Variants in GPC5 observed in about 807,000 individuals in gnomAD.
The protein encoded by GPC5 is glypican-5.
GPC5 carries 47 observed loss-of-function variants against 53.9 expected under a neutral mutation model. The observed-to-expected ratio is 0.87, with a 90% CI of 0.69 to 1.11. The LOEUF (loss-of-function observed/expected upper bound fraction) is 1.11. Among genes scored for constraint, GPC5 ranks in the 50% most tolerant of loss-of-function variants. The probability of loss-of-function intolerance (pLI) is 0.00; values close to 1 mark genes in which losing one functional copy is unlikely to be tolerated. For missense variants in GPC5, 748 were observed against 713.1 expected (o/e 1.05, Z -0.56); for synonymous variants, 286 against 263.3 (o/e 1.09, Z -0.84).
intron 7 of GPC5, among the ~76,000 whole-genome samples, chr13:92,737,207 GC>G (rs1382035766): frequency 6.6e-6 from 1 of 151,928 alleles, no homozygotes; most frequent in Admixed American, 6.6e-5. Flanking sequence ...TATCACCTGG[GC>G]CTAGTGAATG....
At chr13:92,812,173 G>T (rs1240226421) in intron 7 of GPC5, among the ~76,000 whole-genome samples, 4 of 151,898 alleles carry the variant, frequency 2.6e-5, no homozygotes, top group Non-Finnish European at 4.4e-5. Flanking sequence ...ATCACTTTGA[G>T]TAGTACTGAC....
intron 7 of GPC5, among the ~76,000 whole-genome samples, chr13:92,336,304 G>C (rs2043322556): frequency 6.6e-6 from 1 of 152,084 alleles, no homozygotes; most frequent in Non-Finnish European, 1.5e-5. Flanking sequence ...TAATTATCAG[G>C]TAGCTGATAA....
intron 1 of GPC5, among the ~76,000 whole-genome samples, chr13:91,441,913 A>G (rs1880464269): frequency 6.6e-6 from 1 of 152,174 alleles, no homozygotes; most frequent in Non-Finnish European, 1.5e-5. Context: ...TGGTAAATAT[A>G]AGTACATCTT....
intron 6 of GPC5, among the ~76,000 whole-genome samples, chr13:91,946,482 C>T (rs1327229782): frequency 1.3e-5 from 2 of 151,954 alleles, no homozygotes; most frequent in African/African-American, 2.4e-5. Flanking sequence ...TCAAAAAAAA[C>T]GATAAGAATA....
At chr13:92,668,556 A>C (rs1248888661) in intron 7 of GPC5, among the ~76,000 whole-genome samples, 2 of 152,084 alleles carry the variant, frequency 1.3e-5, no homozygotes, top group East Asian at 3.9e-4. Context: ...TATATTCCTT[A>C]AGGTTTTCTA....
rs1161048628 is a variant in GPC5 at position 91,830,283 on chromosome 13, G to A, written c.1280+73863G>A. 3.3e-5 allele frequency among the ~76,000 whole-genome samples: 5 copies of A among 152,060 alleles called. No individual in the cohort carries two copies. The East Asian group carries it at 7.7e-4, about 23-fold the overall frequency. On this transcript the variant is annotated intron_variant, in intron 5 of 7. Coordinates refer to ENST00000377067, the MANE Select transcript of GPC5 (RefSeq NM_004466.6). The stretch of plus-strand genomic sequence containing the variant: ...ATGGCTCTGTTCTGCCCAGCTCACC[G>A]GCAGTCAGAGTTTAAGGTTATCTCT...
intron 5 of GPC5, among the ~76,000 whole-genome samples, chr13:91,828,240 A>G (rs2038604016): frequency 6.6e-6 from 1 of 152,018 alleles, no homozygotes; most frequent in South Asian, 2.1e-4. Flanking sequence ...AACTCATTGA[A>G]TGGTACATTT....
chr13:92,153,934 CT>C lies in GPC5; in HGVS notation c.1561+8947del, dbSNP rs777078302. ...ATTTCAGAAGAAAGAAATTTAGCCCCTTCCCCAGTATTACTTTGTTTTTGTA... is the reference window on the plus strand; with the variant it reads ...ATTTCAGAAGAAAGAAATTTAGCCCCTCCCCAGTATTACTTTGTTTTTGTA... On this transcript the variant is annotated intron_variant, in intron 7 of 7. Transcript: ENST00000377067. 2.4e-3 allele frequency among the ~76,000 whole-genome samples: 362 copies of C among 152,264 alleles called. 2 individuals are homozygous for C. Among genetic ancestry groups the C allele is most frequent in the Non-Finnish European group, 4.5e-3 (303 of 68,024 alleles).
At chr13:91,606,449 T>A (rs1373415287) in intron 2 of GPC5, among the ~76,000 whole-genome samples, 1 of 151,154 alleles carries the variant, frequency 6.6e-6, no homozygotes, top group Non-Finnish European at 1.5e-5. Context: ...GGCTTTGGTA[T>A]CAGAATGATG....
At chr13:91,506,531 T>C (rs1166795077) in intron 2 of GPC5, among the ~76,000 whole-genome samples, 1 of 152,122 alleles carries the variant, frequency 6.6e-6, no homozygotes. Context: ...TCTGAAAGCA[T>C]GTAAGATCTA....
At chr13:92,190,673 A>G (rs372626354) in intron 7 of GPC5, among the ~76,000 whole-genome samples, 1 of 152,156 alleles carries the variant, frequency 6.6e-6, no homozygotes, top group Non-Finnish European at 1.5e-5. Flanking sequence ...TTTAAAATGT[A>G]TATTGCAAAC....
At chr13:92,158,850 C>T (rs1050715231) in intron 7 of GPC5, among the ~76,000 whole-genome samples, 5 of 152,100 alleles carry the variant, frequency 3.3e-5, no homozygotes, top group African/African-American at 7.2e-5. Context: ...GAGGCTGGTT[C>T]GGTATCAAAA....
At chr13:91,402,052 G>A (rs1330578955) in intron 1 of GPC5, among the ~76,000 whole-genome samples, 2 of 152,036 alleles carry the variant, frequency 1.3e-5, no homozygotes, top group Non-Finnish European at 2.9e-5. Context: ...TTGGGGATGG[G>A]GATAATGCTT....
intron 6 of GPC5, among the ~76,000 whole-genome samples, chr13:91,933,239 T>A (rs2139034505): frequency 6.6e-6 from 1 of 152,072 alleles, no homozygotes; most frequent in South Asian, 2.1e-4. Context: ...CAGGCCTGTT[T>A]AACCTACTCA....
chr13:92,324,646 T>C (rs1362666171), intron 7 of GPC5, among the ~76,000 whole-genome samples: 1 of 108,380 alleles, frequency 9.2e-6, no homozygotes, highest in Non-Finnish European at 1.7e-5. Context: ...TTATGTAGTA[T>C]GGCATATCAT....
chr13:92,273,691 G>A (rs1268902624), intron 7 of GPC5, among the ~76,000 whole-genome samples: 2 of 150,038 alleles, frequency 1.3e-5, no homozygotes, highest in African/African-American at 4.9e-5. Context: ...TTGCAATAAA[G>A]AAACAATGAT....
intron 7 of GPC5, among the ~76,000 whole-genome samples, chr13:92,393,382 G>A (rs1303739985): frequency 6.6e-6 from 1 of 152,144 alleles, no homozygotes; most frequent in Non-Finnish European, 1.5e-5. Flanking sequence ...CGGTGCAGTG[G>A]CTCACACCTG....
chr13:92,561,930 G>A (rs1018962740), intron 7 of GPC5, among the ~76,000 whole-genome samples: 5 of 151,972 alleles, frequency 3.3e-5, no homozygotes, highest in African/African-American at 7.2e-5. Context: ...TGTTGTGACC[G>A]AAGAGATCAA....
chr13:92,521,304 A>T (rs933243384), intron 7 of GPC5, among the ~76,000 whole-genome samples: 1 of 152,198 alleles, frequency 6.6e-6, no homozygotes, highest in African/African-American at 2.4e-5. Context: ...AACAAAAAAG[A>T]GCCCACATTG....
Sources: gnomAD v4.1 joint callset for allele counts (sites outside exome capture counted in the v4.1 genomes callset) on GRCh38, gnomAD v4.1.1 for gene constraint, MANE v1.5 for transcripts, NCBI Gene and HGNC (gene_info 2026-07-23, HGNC 2026-07-21) for gene names.